The following ARFIP1 variants were observed in gnomAD, a reference collection of about 807,000 sequenced individuals.
The protein encoded by ARFIP1 is ARF interacting protein 1.
A neutral mutation model predicts 42.5 loss-of-function variants in ARFIP1; 24 were observed. The observed-to-expected ratio is 0.57, with a 90% CI of 0.41 to 0.80. The LOEUF is 0.80. Ranked by LOEUF, ARFIP1 falls within the 30% of genes least tolerant of loss-of-function variation. The pLI is 0.00. For missense variants in ARFIP1, 354 were observed against 434.0 expected, an observed-to-expected ratio of 0.82 and a Z score of 1.64; for synonymous variants, 141 against 153.7, an observed-to-expected ratio of 0.92 and a Z score of 0.61.
intron 1 of ARFIP1, among the ~76,000 whole-genome samples, chr4:152,806,433 C>T (rs968762176): frequency 9.2e-5 from 14 of 152,118 alleles, no homozygotes; most frequent in Non-Finnish European, 1.6e-4. Context: ...TGGTTGCTCT[C>T]TGGGTGGATT....
At chr4:152,858,385 T>G (rs748755231) in intron 2 of ARFIP1, among the ~76,000 whole-genome samples, 6 of 152,222 alleles carry the variant, frequency 3.9e-5, no homozygotes, top group Non-Finnish European at 8.8e-5. Flanking sequence ...ATGGACTTAG[T>G]CTATTCTGAA....
At chr4:152,906,867 G>A (rs535071624) in intron 8 of ARFIP1, among the ~76,000 whole-genome samples, 20 of 152,258 alleles carry the variant, frequency 1.3e-4, no homozygotes, top group African/African-American at 2.9e-4. Flanking sequence ...ACCTCAGGCC[G>A]TTTGAACTTG....
At chr4:152,866,416 A>C (rs1734345339) in intron 3 of ARFIP1, among the ~76,000 whole-genome samples, 1 of 152,030 alleles carries the variant, frequency 6.6e-6, no homozygotes, top group Non-Finnish European at 1.5e-5. Flanking sequence ...GGCTGGGCAG[A>C]GGGGCTCCTC....
intron 8 of ARFIP1, among the ~76,000 whole-genome samples, chr4:152,897,499 T>C (rs913335592): frequency 1.3e-5 from 2 of 152,222 alleles, no homozygotes; most frequent in African/African-American, 4.8e-5. Flanking sequence ...TCTAACCCTT[T>C]TTGGTCAGAA....
At chr4:152,815,203 C>CT (rs1413838834) in intron 1 of ARFIP1, among the ~76,000 whole-genome samples, 1 of 152,046 alleles carries the variant, frequency 6.6e-6, no homozygotes, top group Non-Finnish European at 1.5e-5. Flanking sequence ...TCTCTACAGA[C>CT]TTTCTAGGGC....
intron 8 of ARFIP1, among the ~76,000 whole-genome samples, chr4:152,902,029 G>A: frequency 6.6e-6 from 1 of 152,212 alleles, no homozygotes; most frequent in Admixed American, 6.5e-5. Flanking sequence ...TTTCTAAAAT[G>A]TCTATTGCCC....
intron 1 of ARFIP1, among the ~76,000 whole-genome samples, chr4:152,799,904 C>T (rs1333811278): frequency 6.6e-6 from 1 of 152,134 alleles, no homozygotes; most frequent in African/African-American, 2.4e-5. Context: ...CTAGAAATTT[C>T]CTGCTCAATA....
At chr4:152,805,848 T>C (rs1437421947) in intron 1 of ARFIP1, among the ~76,000 whole-genome samples, 1 of 152,218 alleles carries the variant, frequency 6.6e-6, no homozygotes, top group East Asian at 1.9e-4. Flanking sequence ...GAGCCATGAA[T>C]TGAACACAAA....
rs988708527 is a variant in ARFIP1, at chr4:152,862,610, C to T, written c.94-996C>T. Among the ~76,000 whole-genome samples the T allele has an allele frequency of 3.3e-5, 5 of 152,200 alleles. No homozygotes were observed. The East Asian group carries it at 7.7e-4, about 23-fold the overall frequency. Reference sequence around the variant, plus strand: ...ATCTAAAATCTGCTATCTTAAACTACGATCAGTCTAAAAATTTAGCTTACT... The same window carrying T: ...ATCTAAAATCTGCTATCTTAAACTATGATCAGTCTAAAAATTTAGCTTACT... On this transcript the variant is annotated intron_variant, in intron 2 of 8. Transcript: ENST00000353617.
At chr4:152,843,808 G>A (rs761614118) in intron 2 of ARFIP1, among the ~76,000 whole-genome samples, 3 of 152,156 alleles carry the variant, frequency 2.0e-5, no homozygotes, top group South Asian at 2.1e-4. Context: ...GGCAGAGAGC[G>A]TGATAGGCTT....
chr4:152,904,198 A>ATATTTTTTTT (rs36085096), intron 8 of ARFIP1, among the ~76,000 whole-genome samples: 1 of 126,704 alleles, frequency 7.9e-6, no homozygotes, highest in African/African-American at 3.3e-5. Flanking sequence ...ATATATATAT[A>ATATTTTTTTT]TTTTTTTTTT....
chr4:152,890,150 A>G (rs1322447064), intron 8 of ARFIP1, among the ~76,000 whole-genome samples: 1 of 151,968 alleles, frequency 6.6e-6, no homozygotes, highest in Non-Finnish European at 1.5e-5. Flanking sequence ...AGACTAACAT[A>G]GTGAAACATA....
intron 2 of ARFIP1, among the ~76,000 whole-genome samples, chr4:152,838,286 A>C (rs1288957259): frequency 2.6e-5 from 4 of 151,952 alleles, no homozygotes; most frequent in Non-Finnish European, 5.9e-5. Flanking sequence ...GAATTTTAGA[A>C]TTGTTTTTTC....
chr4:152,906,483 G>T (rs1237258523), intron 8 of ARFIP1, among the ~76,000 whole-genome samples: 1 of 152,126 alleles, frequency 6.6e-6, no homozygotes, highest in African/African-American at 2.4e-5. Flanking sequence ...ATCTTGATCT[G>T]TTGTCAGATT....
intron 5 of ARFIP1, among the ~76,000 whole-genome samples, chr4:152,875,014 T>A (rs78715096): frequency 6.7e-4 from 102 of 152,282 alleles, no homozygotes; most frequent in African/African-American, 2.3e-3. Flanking sequence ...TGGTCCTCTC[T>A]CTTTCATGCT....
At chr4:152,859,421 C>T (rs1733701664) in intron 2 of ARFIP1, among the ~76,000 whole-genome samples, 1 of 152,106 alleles carries the variant, frequency 6.6e-6, no homozygotes, top group Non-Finnish European at 1.5e-5. Flanking sequence ...CAGTAGGTAA[C>T]CAATCATGTC....
chr4:152,791,811 AAT>A (rs1265393822), intron 1 of ARFIP1, among the ~76,000 whole-genome samples: 1 of 152,194 alleles, frequency 6.6e-6, no homozygotes, highest in African/African-American at 2.4e-5. Context: ...CAACAGAAAG[AAT>A]ATGTTTTTCC....
At position 152,873,402 on chromosome 4, in the gene ARFIP1, T is replaced by A. The variant is rs1735057257; in HGVS notation, c.411+838T>A. Among the ~76,000 whole-genome samples the A allele has an allele frequency of 2.6e-5, 4 of 152,234 alleles. No individual in the cohort carries two copies. In the South Asian group the frequency reaches 8.3e-4, roughly 31 times the overall value. ...TTCAGTTAATACCTTAAAAATATGA[T>A]GTAGAAGTCTTCTACAAAAGTATAG... On this transcript the variant is annotated intron_variant, in intron 5 of 8. Transcript: ENST00000353617.
At chr4:152,870,192 A>G (rs79549972) in intron 3 of ARFIP1, among the ~76,000 whole-genome samples, 7,072 of 152,292 alleles carry the variant, frequency 0.046, 554 homozygotes, top group African/African-American at 0.16. Context: ...AAGGTCCTCT[A>G]TGTCCACATT....
Sources: allele counts gnomAD v4.1 joint callset (sites outside exome capture counted in the v4.1 genomes callset), GRCh38; gene constraint gnomAD v4.1.1; transcripts MANE v1.5; gene names NCBI Gene and HGNC (gene_info 2026-07-23, HGNC 2026-07-21).